Variants in NADK2 observed in about 807,000 individuals in gnomAD.
NADK2 encodes NAD kinase domain-containing protein 1, mitochondrial.
Under a neutral mutation model 62.1 loss-of-function variants are expected in NADK2, and 35 were observed. The observed-to-expected ratio is 0.56, with a 90% CI of 0.43 to 0.75. The LOEUF (loss-of-function observed/expected upper bound fraction) is 0.75. Ranked by LOEUF, NADK2 falls within the 30% of genes least tolerant of loss-of-function variation. The pLI, the probability that NADK2 is intolerant of heterozygous loss-of-function variation, is 0.00. For missense variants in NADK2, 439 were observed against 561.3 expected, an observed-to-expected ratio of 0.78 and a Z score of 2.20; for synonymous variants, 205 against 207.9, an observed-to-expected ratio of 0.99 and a Z score of 0.12.
At chr5:36,208,689 T>G in intron 7 of NADK2, 1 of 1,530,082 alleles carries the variant, frequency 6.5e-7, no homozygotes, top group Non-Finnish European at 8.8e-7. Context: ...GAATAAGACA[T>G]TCTAGGTTAG....
At chr5:36,232,770 T>C (rs1028503494) in intron 1 of NADK2, among the ~76,000 whole-genome samples, 1 of 152,160 alleles carries the variant, frequency 6.6e-6, no homozygotes, top group African/African-American at 2.4e-5. Flanking sequence ...CTCACTTCAT[T>C]TTCTCTGAGT....
At position 36,227,501 on chromosome 5, in the gene NADK2, A is replaced by C; in HGVS notation, c.365T>G (p.Val122Gly). Residue 122 changes from valine to glycine, a missense_variant, in exon 2 of 12, where the codon GTA becomes GGA. Val to Gly is a moderately radical substitution (Grantham distance 109, BLOSUM62 -3). Coordinates refer to ENST00000381937, the MANE Select transcript of NADK2 (RefSeq NM_001085411.3). The stretch of plus-strand genomic sequence containing the variant: ...CCGTAAACTATCTATAATATGTTCT[A>C]CATTTTTGGTGTGAATATGATGTCG... ...LERHHIHTKN[V>G]EHIIDSLRNE... is the part of the protein sequence containing the mutation. 1 of 1,547,730 alleles carries C rather than the reference A, an allele frequency of 6.5e-7. No individual in the cohort carries two copies. The highest frequency in any genetic ancestry group is 8.7e-7 in the Non-Finnish European group (1 of 1,145,654).
chr5:36,240,786 C>T (rs1350510851), intron 1 of NADK2, among the ~76,000 whole-genome samples: 3 of 152,282 alleles, frequency 2.0e-5, no homozygotes, highest in South Asian at 2.1e-4. Flanking sequence ...ATTTCACACA[C>T]TACCCAGTAT....
chr5:36,219,551 A>G, intron 5 of NADK2, 45 bp downstream of exon 5: 1 of 1,500,416 alleles, frequency 6.7e-7, no homozygotes, highest in Non-Finnish European at 9.3e-7. Flanking sequence ...AATGGCACAT[A>G]CTTATTAAGA....
At position 36,241,819 on chromosome 5, in the gene NADK2, C is replaced by T. The variant is rs1748147930; in HGVS notation, c.-21G>A. ...GTCATCGTGGGCCGGGCCGCGGCCGCGGGCTTGGGCTCGGGCCCCTTGCCT... is the reference window on the plus strand; with the variant it reads ...GTCATCGTGGGCCGGGCCGCGGCCGTGGGCTTGGGCTCGGGCCCCTTGCCT... On this transcript the variant is annotated 5_prime_UTR_variant, in exon 1 of 12. Coordinates refer to ENST00000381937, the MANE Select transcript of NADK2 (RefSeq NM_001085411.3). This position sits in a 1 kb window ranked among gnomAD's most constrained non-coding sequence, Gnocchi z 4.9. 2.3e-6 allele frequency: 3 copies of T among 1,299,442 alleles called. No homozygotes were observed. The highest frequency in any genetic ancestry group is 2.9e-6 in the Non-Finnish European group (3 of 1,025,868). The allele number at this position is 1,299,442 out of a possible 1,614,324, so 80.5% of individuals were successfully genotyped here.
chr5:36,218,767 A>G (rs12189205), intron 5 of NADK2, among the ~76,000 whole-genome samples: 63,512 of 152,034 alleles, frequency 0.42, 16,036 homozygotes, highest in Non-Finnish European at 0.58. Context: ...GAACACATTA[A>G]GTAAAAGAAA....
intron 7 of NADK2, among the ~76,000 whole-genome samples, chr5:36,208,424 A>C: frequency 6.6e-6 from 1 of 152,062 alleles, no homozygotes; most frequent in East Asian, 1.9e-4. Flanking sequence ...GTAGAAACAA[A>C]AGAGATTAGA....
At chr5:36,234,826 A>G (rs1747843667) in intron 1 of NADK2, among the ~76,000 whole-genome samples, 1 of 152,346 alleles carries the variant, frequency 6.6e-6, no homozygotes, top group Admixed American at 6.5e-5. Context: ...AAGATCACTG[A>G]AAATCTACTC....
intron 3 of NADK2, among the ~76,000 whole-genome samples, chr5:36,225,987 C>A (rs961091506): frequency 8.5e-5 from 13 of 152,144 alleles, no homozygotes; most frequent in African/African-American, 3.1e-4. Context: ...TCCAAATTCA[C>A]AAATTATTTT....
Position 36,217,784 on chromosome 5 carries a change from T to C in NADK2, c.745A>G (p.Asn249Asp), listed in dbSNP as rs746049152. 3 of 1,614,006 alleles carry C rather than the reference T, an allele frequency of 1.9e-6. No individual in the cohort carries two copies. In the South Asian group the frequency reaches 3.3e-5, roughly 18 times the overall value. The change falls in exon 6 of 12, where the codon AAT becomes GAT. Residue 249 changes from asparagine (N) to aspartate (D), a missense_variant. Transcript: ENST00000381937. Reference sequence around the variant, plus strand: ...GCTCTTTCAATGTTAAGGGCTCTATTGTGCTGATTCAAGCTTAGCTGCTGC... The same window carrying C: ...GCTCTTTCAATGTTAAGGGCTCTATCGTGCTGATTCAAGCTTAGCTGCTGC... ...HEQQLSLNQH[N>D]RALNIERAHD... is the part of the protein sequence containing the mutation.
chr5:36,225,311 C>A (rs1218580010), intron 4 of NADK2, among the ~76,000 whole-genome samples: 1 of 152,040 alleles, frequency 6.6e-6, no homozygotes, highest in African/African-American at 2.4e-5. Flanking sequence ...TCATGGTGGC[C>A]AGGAACAATG....
intron 7 of NADK2, among the ~76,000 whole-genome samples, 153 bp from the exon 8 acceptor site, chr5:36,207,418 C>A (rs1402738287): frequency 6.7e-6 from 1 of 149,406 alleles, no homozygotes; most frequent in African/African-American, 2.5e-5. Flanking sequence ...AATTCCAATA[C>A]TGATTAAGTG....
chr5:36,225,333 T>TA lies in NADK2; in HGVS notation c.560+208dup, dbSNP rs1489653315. Among the ~76,000 whole-genome samples the TA allele has an allele frequency of 2.6e-5, 4 of 152,190 alleles. No homozygotes were observed. In the East Asian group the frequency reaches 5.8e-4, roughly 22 times the overall value. On this transcript the variant is annotated intron_variant, in intron 4 of 11. Coordinates refer to ENST00000381937, the MANE Select transcript of NADK2 (RefSeq NM_001085411.3). The stretch of plus-strand genomic sequence containing the variant: ...GGCCAGGAACAATGATGCTTCCACT[T>TA]AGACACCATACACCTAGTAAAATGT...
At chr5:36,230,761 C>T (rs987496336) in intron 1 of NADK2, among the ~76,000 whole-genome samples, 7 of 148,338 alleles carry the variant, frequency 4.7e-5, no homozygotes, top group African/African-American at 1.7e-4. Flanking sequence ...CCACTTTAGG[C>T]GTGAACACTT....
At chr5:36,225,723 A>C (rs1579628688) in intron 3 of NADK2, 100 bp from the exon 4 acceptor site, 1 of 911,850 alleles carries the variant, frequency 1.1e-6, no homozygotes, top group Non-Finnish European at 1.7e-6. Context: ...ATCATACCCC[A>C]CCCTGCTAAC....
At chr5:36,207,555 G>T (rs1201636822) in intron 7 of NADK2, among the ~76,000 whole-genome samples, 8 of 151,568 alleles carry the variant, frequency 5.3e-5, no homozygotes, top group African/African-American at 1.9e-4. Flanking sequence ...AGCTAGCATT[G>T]TGCTTTTGCT....
chr5:36,204,957 A>G (rs1746580815), intron 8 of NADK2, among the ~76,000 whole-genome samples: 2 of 152,206 alleles, frequency 1.3e-5, no homozygotes, highest in East Asian at 1.9e-4. Context: ...AAATAGTTTA[A>G]GAAGTCATGT....
intron 1 of NADK2, among the ~76,000 whole-genome samples, chr5:36,239,187 A>G (rs1391902109): frequency 1.3e-5 from 2 of 152,208 alleles, no homozygotes; most frequent in African/African-American, 2.4e-5. Flanking sequence ...CATGATTCAC[A>G]TAACTTAGTA....
chr5:36,232,969 G>T (rs1181335642), intron 1 of NADK2, among the ~76,000 whole-genome samples: 1 of 152,066 alleles, frequency 6.6e-6, no homozygotes, highest in Non-Finnish European at 1.5e-5. Flanking sequence ...CCTCAAATCT[G>T]CTCTTCTGAG....
Sources: allele counts gnomAD v4.1 joint callset (sites outside exome capture counted in the v4.1 genomes callset), GRCh38; gene constraint gnomAD v4.1.1; non-coding constraint Gnocchi (gnomAD v3.1); transcripts MANE v1.5; gene names NCBI Gene and HGNC (gene_info 2026-07-23, HGNC 2026-07-21).